Variants in SFXN4 observed in about 807,000 individuals in gnomAD.
The protein encoded by SFXN4 is sideroflexin 4.
SFXN4 carries 48 observed loss-of-function variants against 54.6 expected under a neutral mutation model. That is an observed-to-expected ratio of 0.88 (90% CI 0.70 to 1.12). The LOEUF (loss-of-function observed/expected upper bound fraction) is 1.12. SFXN4 is among the 50% of genes most tolerant of loss of function. The pLI, the probability that SFXN4 is intolerant of heterozygous loss-of-function variation, is 0.00. For synonymous variants in SFXN4, 130 were observed against 145.5 expected (o/e 0.89, Z 0.77); for missense variants, 383 against 409.2 (o/e 0.94, Z 0.55).
intron 13 of SFXN4, among the ~76,000 whole-genome samples, chr10:119,144,501 T>C (rs6585536): frequency 0.56 from 84,264 of 151,766 alleles, 23,740 homozygotes; most frequent in Non-Finnish European, 0.6. Context: ...GTAATGTCTT[T>C]GACATCTGCT....
In SFXN4 at chr10:119,155,120, A is replaced by G. The variant is rs751982184; in HGVS notation, c.674T>C (p.Ile225Thr). The G allele has an allele frequency of 1.9e-6, 3 of 1,614,224 alleles. No homozygotes were observed. Among genetic ancestry groups the G allele is most frequent in the Non-Finnish European group, 8.5e-7 (1 of 1,180,022 alleles). ...MSRSLESIKGIAVMDKEGNVL... is the reference protein window; with the variant it reads ...MSRSLESIKGTAVMDKEGNVL... ...ATTGCCTTCCTTGTCCATGACCGCAATCCCCTTAATGGATTCAAGACTTCG... is the reference window on the plus strand; with the variant it reads ...ATTGCCTTCCTTGTCCATGACCGCAGTCCCCTTAATGGATTCAAGACTTCG... Residue 225 changes from isoleucine (I) to threonine (T), a missense_variant, in exon 11 of 14, where the codon ATT becomes ACT. Physicochemically the swap from Ile to Thr is moderately conservative, Grantham distance 89. Coordinates refer to ENST00000355697, the MANE Select transcript of SFXN4 (RefSeq NM_213649.2).
intron 13 of SFXN4, among the ~76,000 whole-genome samples, chr10:119,142,582 A>G (rs1424602857): frequency 8.0e-6 from 1 of 124,394 alleles, no homozygotes; most frequent in Admixed American, 9.9e-5. Flanking sequence ...ATGGAGTCTC[A>G]CTCTGTCACC....
chr10:119,164,040 CAAAAAAA>C (rs368539311), intron 2 of SFXN4, 84 bp downstream of exon 2: 235 of 309,604 alleles, frequency 7.6e-4, no homozygotes, highest in Middle Eastern at 1.1e-3. Flanking sequence ...AACTCCGTCT[CAAAAAAA>C]AAAAAAAAAA....
intron 1 of SFXN4, 45 bp downstream of exon 1, chr10:119,165,492 G>GCCCGC: frequency 6.6e-7 from 1 of 1,513,976 alleles, no homozygotes; most frequent in South Asian, 1.2e-5. Context: ...ACGCGGCCCG[G>GCCCGC]CCCGCCCCCT....
intron 6 of SFXN4, among the ~76,000 whole-genome samples, chr10:119,159,294 A>AC (rs397820107): frequency 8.6e-5 from 13 of 151,734 alleles, no homozygotes; most frequent in East Asian, 1.9e-4. Context: ...AACAAAAAAA[A>AC]CCCAAAAAAC....
rs1221490252 is a variant in SFXN4 at position 119,164,165 on chromosome 10, T to C, written c.143A>G (p.Glu48Gly). ...GAACACATTTGTAGGATCTAATAAT[T>C]CTGTCCATTGAAGAAATCGTCGAAT... is the stretch of plus-strand genomic sequence containing the variant. ...SFIRRFLQWT[E>G]LLDPTNVFIS... The change falls in exon 2 of 14, where the codon GAA (glutamate) becomes GGA (glycine). Residue 48 changes from glutamate (E) to glycine (G), a missense_variant. By Grantham distance (98) the Glu-to-Gly change is moderately conservative. Transcript: ENST00000355697. The C allele has an allele frequency of 1.3e-6, 2 of 1,596,514 alleles. No homozygotes were observed. The highest frequency in any genetic ancestry group is 1.7e-6 in the Non-Finnish European group (2 of 1,170,354).
Position 119,156,678 on chromosome 10 carries a change from C to A in SFXN4, c.616G>T (p.Val206Leu). The A allele has an allele frequency of 6.2e-7, 1 of 1,607,080 alleles. No individual in the cohort carries two copies. Among genetic ancestry groups the A allele is most frequent in the Non-Finnish European group, 8.5e-7 (1 of 1,175,902 alleles). ...IKRLLPVIFLVQASGMNVYMS... is the reference protein window; with the variant it reads ...IKRLLPVIFLLQASGMNVYMS... ...GCAGCCTCCAGCCCTTCCTGCTCAC[C>A]GAGGAAGATCACAGGTAAGAGTCTT... Residue 206 changes from valine (V) to leucine (L), a missense_variant and splice_region_variant, in exon 10 of 14, where the codon GTG becomes TTG. Transcript: ENST00000355697.
rs770902326 is a variant in SFXN4 at position 119,141,224 on chromosome 10, T to C, written c.*18A>G. On this transcript the variant is annotated 3_prime_UTR_variant, in exon 14 of 14. Coordinates refer to ENST00000355697, the MANE Select transcript of SFXN4 (RefSeq NM_213649.2). Reference sequence around the variant, plus strand: ...GGTTTTCAAGCAGGAACCACATAAATTCACCTAAAACTCACGCCTACACCC... The same window carrying C: ...GGTTTTCAAGCAGGAACCACATAAACTCACCTAAAACTCACGCCTACACCC... The C allele has an allele frequency of 6.3e-7, 1 of 1,584,162 alleles. No individual in the cohort carries two copies. The highest frequency in any genetic ancestry group is 8.6e-7 in the Non-Finnish European group (1 of 1,160,054).
intron 11 of SFXN4, among the ~76,000 whole-genome samples, chr10:119,150,059 G>T (rs76734789): frequency 6.6e-6 from 1 of 152,284 alleles, no homozygotes; most frequent in East Asian, 1.9e-4. Context: ...AATTTTAGCC[G>T]AAGAAAATAA....
In SFXN4 at chr10:119,146,455, G is replaced by GCA. The variant is rs1846807360; in HGVS notation, c.819-103_819-102insTG. 2.2e-5 allele frequency: 12 copies of GCA among 538,988 alleles called. No homozygotes were observed. In the East Asian group the frequency reaches 3.5e-4, roughly 16 times the overall value. The allele number at this position is 538,988 out of a possible 1,614,324, so 33.4% of individuals were successfully genotyped here. The stretch of plus-strand genomic sequence containing the variant: ...TGTGTGTGTGTGTGTGTGTGTGTGT[G>GCA]TGTGTGCACGTGTGTGTGTACCTGA... On this transcript the variant is annotated intron_variant, in intron 12 of 13. Transcript: ENST00000355697.
At chr10:119,156,822 G>T in intron 9 of SFXN4, 66 bp from the exon 10 acceptor site, 1 of 1,220,444 alleles carries the variant, frequency 8.2e-7, no homozygotes, top group Non-Finnish European at 1.2e-6. Context: ...CTACTCACTA[G>T]CAGAGAGGTC....
At chr10:119,157,982 T>C in intron 7 of SFXN4, 27 bp downstream of exon 7, 1 of 1,614,074 alleles carries the variant, frequency 6.2e-7, no homozygotes, top group Non-Finnish European at 8.5e-7. Context: ...CAGAATTTAG[T>C]AATCGTGAAA....
At chr10:119,158,861 T>A (rs1010770974) in intron 6 of SFXN4, among the ~76,000 whole-genome samples, 8 of 152,212 alleles carry the variant, frequency 5.3e-5, no homozygotes, top group Admixed American at 4.6e-4. Context: ...CAAGTACTTG[T>A]ATTCCCACCT....
rs1225330801 is a variant in SFXN4, at chr10:119,165,570, C to A, written c.78G>T (p.Glu26Asp). Residue 26 changes from glutamate to aspartate, a missense_variant, in exon 1 of 14, where the codon GAG becomes GAT. Coordinates refer to ENST00000355697, the MANE Select transcript of SFXN4 (RefSeq NM_213649.2). The stretch of plus-strand genomic sequence containing the variant: ...CGGTGATCCAGAAGCGCACGTTGGG[C>A]TCAATGAAGGCGGGGACGGCGTCTC... ...GRRDAVPAFI[E>D]PNVRFWITER... The A allele has an allele frequency of 6.3e-7, 1 of 1,592,248 alleles. No homozygotes were observed. The highest frequency in any genetic ancestry group is 1.1e-5 in the South Asian group (1 of 90,284).
chr10:119,159,912 G>A (rs1011686552), intron 5 of SFXN4, among the ~76,000 whole-genome samples, 159 bp from the exon 6 acceptor site: 4 of 152,140 alleles, frequency 2.6e-5, no homozygotes, highest in African/African-American at 4.8e-5. Context: ...TAATAAAGTG[G>A]GGGGTCAAGG....
chr10:119,165,365 G>A, intron 1 of SFXN4, 172 bp downstream of exon 1: 5 of 1,310,494 alleles, frequency 3.8e-6, no homozygotes, highest in Non-Finnish European at 4.9e-6. Context: ...GTCCCCTGCC[G>A]CGCCCTAAGG....
At chr10:119,157,955 T>C in intron 7 of SFXN4, 28 bp from the exon 8 acceptor site, 1 of 1,614,208 alleles carries the variant, frequency 6.2e-7, no homozygotes, top group African/African-American at 1.3e-5. Flanking sequence ...TGGATCGCAT[T>C]TTCGTTTCAA....
intron 10 of SFXN4, among the ~76,000 whole-genome samples, chr10:119,155,578 C>T (rs111746404): frequency 2.0e-4 from 30 of 152,194 alleles, no homozygotes; most frequent in African/African-American, 5.1e-4. Flanking sequence ...CTGCAACCTC[C>T]GCCTCCCGGG....
At chr10:119,163,137 C>A (rs1305615081) in intron 2 of SFXN4, among the ~76,000 whole-genome samples, 1 of 152,074 alleles carries the variant, frequency 6.6e-6, no homozygotes. Context: ...ACAAAAATTA[C>A]AAAGAATGGC....
Sources: gnomAD v4.1 joint callset for allele counts (sites outside exome capture counted in the v4.1 genomes callset) on GRCh38, gnomAD v4.1.1 for gene constraint, MANE v1.5 for transcripts, NCBI Gene and HGNC (gene_info 2026-07-23, HGNC 2026-07-21) for gene names.